DNAI1: variants seen among roughly 807,000 people sequenced by gnomAD.
DNAI1 encodes dynein, axonemal, intermediate polypeptide 1.
In DNAI1, 67 loss-of-function variants were observed where a neutral mutation model predicts 92.0. That is an observed-to-expected ratio of 0.73 (90% CI 0.60 to 0.89). The LOEUF (loss-of-function observed/expected upper bound fraction) is 0.89. Ranked by LOEUF, DNAI1 falls within the 40% of genes least tolerant of loss-of-function variation. DNAI1 has a pLI of 0.00. For missense variants in DNAI1, 839 were observed against 866.6 expected, an observed-to-expected ratio of 0.97 and a Z score of 0.40; for synonymous variants, 323 against 319.6, an observed-to-expected ratio of 1.01 and a Z score of -0.11.
chr9:34,513,147 G>C lies in DNAI1; in HGVS notation c.1525G>C (p.Asp509His), dbSNP rs769598912. ...TGCCTTTGACTTCCACAAAGAGATT[G>C]ACTACATGTTCCTAGTGGGCACAGA... ...GTAFDFHKEIDYMFLVGTEEG... is the reference protein window; with the variant it reads ...GTAFDFHKEIHYMFLVGTEEG... Residue 509 changes from aspartate (D) to histidine (H), a missense_variant, in exon 16 of 20, where the codon GAC (aspartate) becomes CAC (histidine). Coordinates refer to ENST00000242317, the MANE Select transcript of DNAI1 (RefSeq NM_012144.4). 6.2e-7 allele frequency: 1 copy of C among 1,614,174 alleles called. No individual in the cohort carries two copies. The highest frequency in any genetic ancestry group is 8.5e-7 in the Non-Finnish European group (1 of 1,180,034).
chr9:34,459,684 G>T (rs1453708261), intron 1 of DNAI1, among the ~76,000 whole-genome samples: 3 of 152,170 alleles, frequency 2.0e-5, no homozygotes. Flanking sequence ...GAGCTCAAGC[G>T]ATCCTCCTAC....
intron 9 of DNAI1, among the ~76,000 whole-genome samples, chr9:34,495,629 C>T (rs1824706592): frequency 6.6e-6 from 1 of 152,172 alleles, no homozygotes; most frequent in South Asian, 2.1e-4. Context: ...GAAGTGCTGA[C>T]TTGAGGGCAT....
At chr9:34,464,911 TAGA>T (rs1482922933) in intron 1 of DNAI1, among the ~76,000 whole-genome samples, 2 of 151,968 alleles carry the variant, frequency 1.3e-5, no homozygotes, top group African/African-American at 4.8e-5. Context: ...AAGGTTTGGA[TAGA>T]AGAAGAAGAG....
chr9:34,499,365 AT>A (rs1386373263), intron 10 of DNAI1, among the ~76,000 whole-genome samples: 2 of 152,232 alleles, frequency 1.3e-5, no homozygotes, highest in Non-Finnish European at 2.9e-5. Flanking sequence ...TCATTTTCTA[AT>A]TGGTCACCCT....
chr9:34,490,313 G>C lies in DNAI1; in HGVS notation c.502-56G>C, dbSNP rs981537177. 3.1e-6 allele frequency: 5 copies of C among 1,613,900 alleles called. No homozygotes were observed. In the Admixed American group the frequency reaches 6.7e-5, roughly 22 times the overall value. ...TAGGACAGGGCTTGCCCCATCTCCC[G>C]GTTTTCTACCACCTTCTCACAGCTG... On this transcript the variant is annotated intron_variant, in intron 6 of 19. Coordinates refer to ENST00000242317, the MANE Select transcript of DNAI1 (RefSeq NM_012144.4).
Position 34,489,443 on chromosome 9 carries a change from G to A in DNAI1, c.382G>A (p.Val128Met), listed in dbSNP as rs548253976. 5 of 1,613,542 alleles carry A rather than the reference G, an allele frequency of 3.1e-6. No individual in the cohort carries two copies. The highest frequency in any genetic ancestry group is 4.2e-6 in the Non-Finnish European group (5 of 1,179,976). The change falls in exon 5 of 20, where the codon GTG (valine) becomes ATG (methionine). Residue 128 changes from valine (V) to methionine (M), a missense_variant. Transcript: ENST00000242317. ...GCGGCAGCATTACCGCGATGAATTA[G>A]TGGCAGGTAGGACTCTGGGCCATCC... ...GRRQHYRDEL[V>M]AGSQESVKVI...
Position 34,492,493 on chromosome 9 carries a change from GATATATATATATATATATATATATAT to G in DNAI1, c.682-684_682-659del, listed in dbSNP as rs752863173. Among the ~76,000 whole-genome samples the G allele has an allele frequency of 1.1e-3, 72 of 68,258 alleles. 3 individuals carry two copies. Among genetic ancestry groups the G allele is most frequent in the East Asian group, 6.8e-3 (16 of 2,340 alleles). 44.8% of individuals were successfully genotyped at this position (68,258 alleles called of 152,430 possible). A position where few individuals can be genotyped will look rare whatever the true frequency, so the allele number is the denominator to read the frequency against. On this transcript the variant is annotated intron_variant, in intron 8 of 19. Coordinates refer to ENST00000242317, the MANE Select transcript of DNAI1 (RefSeq NM_012144.4). ...TCCGGGGTGGGGGTGGGGATATGAAGATATATATATATATATATATATATATATATATATATATATATTTGAGACAA... is the reference window on the plus strand; with the variant it reads ...TCCGGGGTGGGGGTGGGGATATGAAGATATATATATATATATTTGAGACAA...
At chr9:34,520,528 G>T in intron 19 of DNAI1, 130 bp from the exon 20 acceptor site, 1 of 822,046 alleles carries the variant, frequency 1.2e-6, no homozygotes, top group Non-Finnish European at 2.1e-6. Flanking sequence ...AGGGGAGGCA[G>T]GGATCCAGAA....
At chr9:34,464,095 T>C (rs1823995522) in intron 1 of DNAI1, among the ~76,000 whole-genome samples, 1 of 152,214 alleles carries the variant, frequency 6.6e-6, no homozygotes, top group Admixed American at 6.5e-5. Context: ...ACTACTTTTT[T>C]TCATATACAC....
chr9:34,492,517 T>TAGATATAG (rs1824628002), intron 8 of DNAI1, among the ~76,000 whole-genome samples: 1 of 122,730 alleles, frequency 8.1e-6, no homozygotes, highest in African/African-American at 2.9e-5. Flanking sequence ...TATATATATA[T>TAGATATAG]ATATATATAT....
chr9:34,493,944 G>A (rs775902643), intron 9 of DNAI1, among the ~76,000 whole-genome samples: 1 of 152,134 alleles, frequency 6.6e-6, no homozygotes, highest in Non-Finnish European at 1.5e-5. Flanking sequence ...GGGAATCATC[G>A]TGGGAGTCAC....
At chr9:34,495,512 C>T (rs749404478) in intron 9 of DNAI1, among the ~76,000 whole-genome samples, 27 of 152,166 alleles carry the variant, frequency 1.8e-4, no homozygotes, top group African/African-American at 6.3e-4. Flanking sequence ...CAAGATAATA[C>T]GGTGCAGCCC....
At chr9:34,470,498 T>A (rs376523962) in intron 1 of DNAI1, among the ~76,000 whole-genome samples, 365 of 152,288 alleles carry the variant, frequency 2.4e-3, no homozygotes, top group African/African-American at 8.6e-3. Flanking sequence ...ACAGGAAGTA[T>A]TCCCAGAGAT....
At chr9:34,506,534 G>C (rs547737456) in intron 12 of DNAI1, 93 bp from the exon 13 acceptor site, 1 of 1,563,988 alleles carries the variant, frequency 6.4e-7, no homozygotes, top group Admixed American at 1.7e-5. Flanking sequence ...GAGCAGGGCA[G>C]GGCTTGCCCA....
intron 1 of DNAI1, chr9:34,478,798 A>C (rs1021273386): frequency 1.3e-5 from 2 of 152,252 alleles, no homozygotes; most frequent in Non-Finnish European, 2.9e-5. Context: ...GGTCAATAGC[A>C]TAAGAACGCC....
intron 4 of DNAI1, among the ~76,000 whole-genome samples, chr9:34,486,767 T>C (rs1564031945): frequency 6.6e-6 from 1 of 152,232 alleles, no homozygotes; most frequent in East Asian, 1.9e-4. Flanking sequence ...GCCACTTAGC[T>C]GTTCCCCCTC....
chr9:34,483,413 T>C (rs1355428535), intron 1 of DNAI1, 35 bp from the exon 2 acceptor site: 1 of 1,605,004 alleles, frequency 6.2e-7, no homozygotes, highest in Non-Finnish European at 8.5e-7. Context: ...TCAATTTGCT[T>C]ATGACTTACC....
chr9:34,497,224 A>G (rs1288364960), intron 10 of DNAI1, 25 bp downstream of exon 10: 1 of 1,570,702 alleles, frequency 6.4e-7, no homozygotes, highest in Middle Eastern at 1.7e-4. Context: ...TCTGGCAACC[A>G]CTATTATTGC....
At chr9:34,480,366 C>T (rs1459121523) in intron 1 of DNAI1, among the ~76,000 whole-genome samples, 2 of 149,120 alleles carry the variant, frequency 1.3e-5, no homozygotes, top group African/African-American at 5.0e-5. Flanking sequence ...CAACCCCTGC[C>T]TCCTGGGTTC....
Sources: allele counts gnomAD v4.1 joint callset (sites outside exome capture counted in the v4.1 genomes callset), GRCh38; gene constraint gnomAD v4.1.1; transcripts MANE v1.5; gene names NCBI Gene and HGNC (gene_info 2026-07-23, HGNC 2026-07-21).